Variants in ITSN1 observed in about 807,000 individuals in gnomAD.
The protein encoded by ITSN1 is intersectin 1.
A neutral mutation model predicts 239.8 loss-of-function variants in ITSN1; 58 were observed. The ratio of observed to expected loss-of-function variants is 0.24; its 90% CI spans 0.20 to 0.30. ITSN1 has a LOEUF of 0.30. Among genes scored for constraint, ITSN1 ranks in the 10% least tolerant of loss-of-function variants. The pLI, the probability that ITSN1 is intolerant of heterozygous loss-of-function variation, is 1.00. For synonymous variants in ITSN1, 780 were observed against 770.8 expected (o/e 1.01, Z -0.20); for missense variants, 1,558 against 2,103.3 (o/e 0.74, Z 5.07).
At chr21:33,858,884 T>G in intron 31 of ITSN1, 92 bp downstream of exon 31, 14 of 623,234 alleles carry the variant, frequency 2.2e-5, no homozygotes, top group Non-Finnish European at 2.3e-5. Context: ...TCTTGCATGC[T>G]GCCCTGTGCT....
At chr21:33,863,763 G>T (rs1287918430) in intron 31 of ITSN1, among the ~76,000 whole-genome samples, 1 of 152,184 alleles carries the variant, frequency 6.6e-6, no homozygotes, top group East Asian at 1.9e-4. Flanking sequence ...AGTTTATAAC[G>T]TGGCTATCCA....
At chr21:33,883,117 A>AT (rs1440162219) in intron 35 of ITSN1, among the ~76,000 whole-genome samples, 3 of 152,174 alleles carry the variant, frequency 2.0e-5, no homozygotes, top group African/African-American at 7.2e-5. Context: ...TCATGTGAAA[A>AT]TCTTTGGAGG....
intron 10 of ITSN1, among the ~76,000 whole-genome samples, chr21:33,766,524 A>G (rs2068731339): frequency 1.3e-5 from 2 of 152,232 alleles, no homozygotes; most frequent in African/African-American, 4.8e-5. Context: ...ACATCCATGC[A>G]TGCATGCACA....
chr21:33,855,291 G>A (rs973622824), intron 29 of ITSN1, among the ~76,000 whole-genome samples: 2 of 152,158 alleles, frequency 1.3e-5, no homozygotes, highest in African/African-American at 4.8e-5. Context: ...CTTCAGCCGG[G>A]GCATCTCTAG....
chr21:33,700,212 G>A lies in ITSN1; in HGVS notation c.-32-18585G>A, dbSNP rs554531672. Among the ~76,000 whole-genome samples the A allele has an allele frequency of 5.5e-4, 84 of 152,136 alleles. 1 individual carries two copies. Among genetic ancestry groups the A allele is most frequent in the African/African-American group, 2.0e-3 (84 of 41,472 alleles). The stretch of plus-strand genomic sequence containing the variant: ...CAATTCTCCTGCCTCAGCCTCCCGA[G>A]TAGCTGGGATTGCAGGTGCCCACCA... On this transcript the variant is annotated intron_variant, in intron 1 of 39. Coordinates refer to ENST00000381318, the MANE Select transcript of ITSN1 (RefSeq NM_003024.3).
At chr21:33,712,357 C>T (rs1021509759) in intron 1 of ITSN1, among the ~76,000 whole-genome samples, 1 of 152,150 alleles carries the variant, frequency 6.6e-6, no homozygotes, top group Non-Finnish European at 1.5e-5. Context: ...GTTAGATCTG[C>T]CTTGGTTATA....
chr21:33,708,055 C>T (rs2092303533), intron 1 of ITSN1, among the ~76,000 whole-genome samples: 1 of 152,192 alleles, frequency 6.6e-6, no homozygotes, highest in Non-Finnish European at 1.5e-5. Flanking sequence ...GTCATTCTTT[C>T]TCATATTAGC....
intron 29 of ITSN1, among the ~76,000 whole-genome samples, chr21:33,845,262 G>A (rs903800345): frequency 5.9e-5 from 9 of 151,910 alleles, no homozygotes; most frequent in African/African-American, 1.2e-4. Flanking sequence ...ACCTGGCTGC[G>A]GGGGAGGCAC....
intron 29 of ITSN1, chr21:33,837,577 G>GT (rs2074665209): frequency 1.0e-6 from 1 of 985,708 alleles, no homozygotes; most frequent in African/African-American, 1.7e-5. Context: ...TTTTAAAGAC[G>GT]TATAGAATGA....
intron 1 of ITSN1, among the ~76,000 whole-genome samples, chr21:33,684,034 C>T (rs898266716): frequency 6.6e-6 from 1 of 152,200 alleles, no homozygotes; most frequent in African/African-American, 2.4e-5. Context: ...CTGTTAGAGA[C>T]TCAATGTGAG....
At chr21:33,663,312 A>G (rs753218220) in intron 1 of ITSN1, among the ~76,000 whole-genome samples, 1 of 152,224 alleles carries the variant, frequency 6.6e-6, no homozygotes, top group Non-Finnish European at 1.5e-5. Flanking sequence ...TATAAGATCT[A>G]TTTTTTAGAT....
intron 5 of ITSN1, chr21:33,735,686 A>G (rs978896588): frequency 5.8e-5 from 10 of 171,448 alleles, no homozygotes; most frequent in African/African-American, 2.4e-4. Context: ...TAGAGAAAAA[A>G]TAAACATTGT....
chr21:33,738,652 G>A (rs957928132), intron 5 of ITSN1, among the ~76,000 whole-genome samples: 4 of 151,746 alleles, frequency 2.6e-5, no homozygotes, highest in African/African-American at 7.3e-5. Flanking sequence ...CACCCGCCTC[G>A]GCCTCCCAAA....
rs1397768685 is a variant in ITSN1 at position 33,875,609 on chromosome 21, T to C, written c.4341+88T>C. The C allele has an allele frequency of 6.3e-6, 8 of 1,270,082 alleles. No homozygotes were observed. In the African/African-American group the frequency reaches 1.2e-4, roughly 19 times the overall value. 78.7% of individuals were successfully genotyped at this position (1,270,082 alleles called of 1,614,324 possible). On this transcript the variant is annotated intron_variant, in intron 34 of 39. Coordinates refer to ENST00000381318, the MANE Select transcript of ITSN1 (RefSeq NM_003024.3). The stretch of plus-strand genomic sequence containing the variant: ...GAGGACAAAGAAAAGCATGAACCAT[T>C]CTCCTCCCCAGCCGATAGCATCCTC...
chr21:33,885,511 G>C lies in ITSN1; in HGVS notation c.4832G>C (p.Cys1611Ser), dbSNP rs1321411277. 1 of 1,613,960 alleles carries C rather than the reference G, an allele frequency of 6.2e-7. No homozygotes were observed. The highest frequency in any genetic ancestry group is 2.2e-5 in the East Asian group (1 of 44,878). The change falls in exon 38 of 40, where the codon TGT (cysteine) becomes TCT (serine). Residue 1611 changes from cysteine (C) to serine (S), a missense_variant. Coordinates refer to ENST00000381318, the MANE Select transcript of ITSN1 (RefSeq NM_003024.3). ...NVVEGIELKP[C>S]RSHGKSNPYC... ...GTTGAAGGCATCGAGTTGAAACCCT[G>C]TCGGTCACATGGTAAGGCTGTGAGG...
chr21:33,882,360 C>A lies in ITSN1; in HGVS notation c.4459C>A (p.Leu1487Ile). The A allele has an allele frequency of 6.2e-7, 1 of 1,614,228 alleles. No individual in the cohort carries two copies. The highest frequency in any genetic ancestry group is 8.5e-7 in the Non-Finnish European group (1 of 1,180,036). ...GTATGGCTTCCTTTTCAACGACTTC[C>A]TCCTGCTGACTCAGATCACGAAGCC... Reference protein sequence around the residue: ...ELYGFLFNDFLLLTQITKPLG... With the variant: ...ELYGFLFNDFILLTQITKPLG... Residue 1487 changes from leucine to isoleucine, a missense_variant, in exon 35 of 40, where the codon CTC (leucine) becomes ATC (isoleucine). Leu to Ile is a conservative substitution (Grantham distance 5, BLOSUM62 2). Coordinates refer to ENST00000381318, the MANE Select transcript of ITSN1 (RefSeq NM_003024.3). The surrounding 1 kb of genome is among the most constrained non-coding windows in gnomAD (Gnocchi z 4.5).
At chr21:33,846,706 C>T (rs2075000682) in intron 29 of ITSN1, among the ~76,000 whole-genome samples, 1 of 152,206 alleles carries the variant, frequency 6.6e-6, no homozygotes. Flanking sequence ...GGTCCTTCCT[C>T]CCCAGCTAGG....
At chr21:33,721,472 A>G (rs1294250268) in intron 3 of ITSN1, among the ~76,000 whole-genome samples, 1 of 152,158 alleles carries the variant, frequency 6.6e-6, no homozygotes, top group African/African-American at 2.4e-5. Flanking sequence ...TGCATGTCAA[A>G]CCACTTGTTT....
At chr21:33,717,167 G>T (rs1432818886) in intron 1 of ITSN1, among the ~76,000 whole-genome samples, 1 of 151,822 alleles carries the variant, frequency 6.6e-6, no homozygotes, top group Non-Finnish European at 1.5e-5. Flanking sequence ...TTTTAAATCT[G>T]TGAGTATTTA....
Sources: gnomAD v4.1 joint callset for allele counts (sites outside exome capture counted in the v4.1 genomes callset) on GRCh38, gnomAD v4.1.1 for gene constraint, Gnocchi (gnomAD v3.1) non-coding constraint, MANE v1.5 for transcripts, NCBI Gene and HGNC (gene_info 2026-07-23, HGNC 2026-07-21) for gene names.